The following LZTS1 variants were observed in gnomAD, a reference collection of about 807,000 sequenced individuals.
The protein encoded by LZTS1 is leucine zipper tumor suppressor 1, also known as leucine zipper putative tumor suppressor 1.
A neutral mutation model predicts 45.8 loss-of-function variants in LZTS1; 31 were observed. The observed-to-expected ratio is 0.68, with a 90% CI of 0.51 to 0.91. The LOEUF is 0.91. Among genes scored for constraint, LZTS1 ranks in the 40% least tolerant of loss-of-function variants. LZTS1 has a pLI of 0.00. For missense variants in LZTS1, 821 were observed against 788.9 expected (o/e 1.04, Z -0.49); for synonymous variants, 359 against 357.3 (o/e 1.00, Z -0.05).
chr8:20,261,961 C>T (rs1800241297), intron 1 of LZTS1, among the ~76,000 whole-genome samples: 1 of 152,210 alleles, frequency 6.6e-6, no homozygotes, highest in Non-Finnish European at 1.5e-5. Flanking sequence ...TTCCCTCCTT[C>T]TCCCCCTCTC....
At chr8:20,273,439 C>T (rs1470639668) in intron 1 of LZTS1, among the ~76,000 whole-genome samples, 1 of 152,140 alleles carries the variant, frequency 6.6e-6, no homozygotes, top group Non-Finnish European at 1.5e-5. Context: ...GCGCTTCCCT[C>T]GGAGGGGCCA....
chr8:20,256,996 T>G lies in LZTS1; in HGVS notation c.-134-1681A>C, dbSNP rs569901566. Among the ~76,000 whole-genome samples, 60 of 152,216 alleles carry G rather than the reference T, an allele frequency of 3.9e-4. 1 individual carries two copies. The South Asian group carries it at 9.6e-3, about 24-fold the overall frequency. On this transcript the variant is annotated intron_variant, in intron 1 of 3. Coordinates refer to ENST00000381569, the MANE Select transcript of LZTS1 (RefSeq NM_021020.5). ...TGAAAAAGAGCAGCAGAGAAGGTTT[T>G]CAGGGTGATGTCGATATAGAAGACC...
At chr8:20,259,862 G>T (rs1446287868) in intron 1 of LZTS1, among the ~76,000 whole-genome samples, 2 of 145,646 alleles carry the variant, frequency 1.4e-5, no homozygotes, top group Non-Finnish European at 3.0e-5. Flanking sequence ...CCTGTGTAAG[G>T]CTTGCTCTCA....
chr8:20,278,434 G>A (rs1383076517), intron 1 of LZTS1, among the ~76,000 whole-genome samples: 8 of 152,150 alleles, frequency 5.3e-5, no homozygotes, highest in African/African-American at 1.9e-4. Context: ...AGGAAATAAC[G>A]CAACAGGAAG....
At chr8:20,300,026 A>G (rs1218383281) in intron 1 of LZTS1, among the ~76,000 whole-genome samples, 2 of 152,172 alleles carry the variant, frequency 1.3e-5, no homozygotes, top group Non-Finnish European at 2.9e-5. Context: ...GTCCCCTTCC[A>G]TAACTGTGCT....
chr8:20,252,841 T>A lies in LZTS1; in HGVS notation c.1090A>T (p.Arg364Trp). Residue 364 changes from arginine (R) to tryptophan (W), a missense_variant, in exon 3 of 4, where the codon AGG becomes TGG. Arg to Trp is a moderately radical substitution (Grantham distance 101, BLOSUM62 -3). Coordinates refer to ENST00000381569, the MANE Select transcript of LZTS1 (RefSeq NM_021020.5). ...KEQDLLETKLRSYEREKTSFG... is the reference protein window; with the variant it reads ...KEQDLLETKLWSYEREKTSFG... ...CTGGTCTTCTCCCTCTCGTAGGACC[T>A]GAGCTTGGTCTCCAGCAGGTCCTGC... is the stretch of plus-strand genomic sequence containing the variant. 6.3e-7 allele frequency: 1 copy of A among 1,578,858 alleles called. No individual in the cohort carries two copies. Among genetic ancestry groups the A allele is most frequent in the Non-Finnish European group, 8.6e-7 (1 of 1,163,094 alleles).
intron 1 of LZTS1, among the ~76,000 whole-genome samples, chr8:20,258,328 GGCACA>G (rs1476435210): frequency 6.6e-6 from 1 of 152,034 alleles, no homozygotes; most frequent in African/African-American, 2.4e-5. Flanking sequence ...GAACTGCATG[GGCACA>G]GCTGAAAGGG....
chr8:20,292,048 CCT>C (rs1054567750), intron 1 of LZTS1, among the ~76,000 whole-genome samples: 1 of 152,238 alleles, frequency 6.6e-6, no homozygotes, highest in African/African-American at 2.4e-5. Flanking sequence ...CCAGGGGTCC[CCT>C]CTCTGGAAAC....
At position 20,249,672 on chromosome 8, in the gene LZTS1, G is replaced by C; in HGVS notation, c.*50C>G. On this transcript the variant is annotated 3_prime_UTR_variant, in exon 4 of 4. Coordinates refer to ENST00000381569, the MANE Select transcript of LZTS1 (RefSeq NM_021020.5). ...CTGAGCAGGGGGGATGCACGGGAGA[G>C]CCCTGCCTCCCAGTGCCAGGTCCCC... The C allele has an allele frequency of 6.4e-7, 1 of 1,554,872 alleles. No homozygotes were observed. The highest frequency in any genetic ancestry group is 8.7e-7 in the Non-Finnish European group (1 of 1,154,270).
rs558062057 is a variant in LZTS1 at position 20,268,735 on chromosome 8, G to A, written c.-134-13420C>T. 9.9e-5 allele frequency among the ~76,000 whole-genome samples: 15 copies of A among 152,202 alleles called. No individual in the cohort carries two copies. In the South Asian group the frequency reaches 2.9e-3, roughly 29 times the overall value. On this transcript the variant is annotated intron_variant, in intron 1 of 3. Transcript: ENST00000381569. ...TGGGGGAACGTGGGCAACATGAGGA[G>A]GGGCTGAGGTTGCTGAGGTGCTGGG...
intron 1 of LZTS1, among the ~76,000 whole-genome samples, chr8:20,262,543 C>G (rs148487745): frequency 6.6e-6 from 1 of 152,030 alleles, no homozygotes; most frequent in African/African-American, 2.4e-5. Context: ...AGATGACATT[C>G]GAGAAGAGCC....
Position 20,285,093 on chromosome 8 carries a change from C to T in LZTS1, c.-135+18647G>A, listed in dbSNP as rs79968079. On this transcript the variant is annotated intron_variant, in intron 1 of 3. Coordinates refer to ENST00000381569, the MANE Select transcript of LZTS1 (RefSeq NM_021020.5). ...CAGTGAGGATCAATGATACAATGGA[C>T]GCAAAGGGCTTTACAAACTCTAAAG... Among the ~76,000 whole-genome samples, 297 of 152,338 alleles carry T rather than the reference C, an allele frequency of 1.9e-3. 3 individuals carry two copies. The highest frequency in any genetic ancestry group is 6.6e-3 in the African/African-American group (275 of 41,578).
chr8:20,288,693 C>A (rs1800842429), intron 1 of LZTS1, among the ~76,000 whole-genome samples: 2 of 152,194 alleles, frequency 1.3e-5, no homozygotes, highest in African/African-American at 4.8e-5. Flanking sequence ...TCTCCCACCA[C>A]TGGGGCCCCT....
chr8:20,300,494 G>A (rs889425633), intron 1 of LZTS1, among the ~76,000 whole-genome samples: 5 of 151,796 alleles, frequency 3.3e-5, no homozygotes, highest in South Asian at 2.1e-4. Flanking sequence ...CACGACGCCC[G>A]GCTAATTTTT....
rs746072482 is a variant in LZTS1 at position 20,253,216 on chromosome 8, G to A, written c.715C>T (p.Leu239=). The A allele has an allele frequency of 9.3e-6, 15 of 1,613,758 alleles. No homozygotes were observed. In the Admixed American group the frequency reaches 1.7e-4, roughly 18 times the overall value. The change falls in exon 3 of 4, where the codon CTG becomes TTG. Residue 239 remains leucine, a synonymous_variant. Transcript: ENST00000381569. The stretch of plus-strand genomic sequence containing the variant: ...TTGTCTGCCTTGTTCGAGTGGCCCA[G>A]CTTGCTACCTCCGTCGGAGAAGGAC... ...ALSFSDGGSK[L]GHSNKADKGP...
At chr8:20,269,740 G>A (rs953463350) in intron 1 of LZTS1, among the ~76,000 whole-genome samples, 3 of 152,068 alleles carry the variant, frequency 2.0e-5, no homozygotes, top group South Asian at 2.1e-4. Flanking sequence ...CCCTAAATTG[G>A]ATGGGAACTC....
At chr8:20,275,442 G>C (rs1250183357) in intron 1 of LZTS1, among the ~76,000 whole-genome samples, 1 of 151,206 alleles carries the variant, frequency 6.6e-6, no homozygotes, top group Admixed American at 6.6e-5. Context: ...ATATGGGTTA[G>C]CTCCCAGCCT....
chr8:20,301,941 C>T (rs949456016), intron 1 of LZTS1, among the ~76,000 whole-genome samples: 1 of 152,124 alleles, frequency 6.6e-6, no homozygotes, highest in African/African-American at 2.4e-5. Flanking sequence ...GTCCCGCCCT[C>T]CCTTTTGCTT....
chr8:20,271,881 C>T (rs1800480667), intron 1 of LZTS1, among the ~76,000 whole-genome samples: 1 of 152,234 alleles, frequency 6.6e-6, no homozygotes, highest in Non-Finnish European at 1.5e-5. Flanking sequence ...GAAAGCAGGG[C>T]CGGGGCCTGG....
Sources: allele counts gnomAD v4.1 joint callset (sites outside exome capture counted in the v4.1 genomes callset), GRCh38; gene constraint gnomAD v4.1.1; transcripts MANE v1.5; gene names NCBI Gene and HGNC (gene_info 2026-07-23, HGNC 2026-07-21).